DACH1: variants seen among roughly 807,000 people sequenced by gnomAD.
DACH1 encodes dachshund family transcription factor 1, also known as dachshund homolog 1.
Under a neutral mutation model 54.2 loss-of-function variants are expected in DACH1, and 12 were observed. That is an observed-to-expected ratio of 0.22 (90% confidence interval 0.14 to 0.36). The LOEUF (loss-of-function observed/expected upper bound fraction) is 0.36, where lower values mean the gene tolerates loss of function less well. Among genes scored for constraint, DACH1 ranks in the 10% least tolerant of loss-of-function variants. DACH1 has a pLI of 1.00. For synonymous variants in DACH1, 386 were observed against 366.2 expected (o/e 1.05, Z -0.62); for missense variants, 805 against 929.8 (o/e 0.87, Z 1.75).
At chr13:71,697,156 A>C (rs1881875773) in intron 1 of DACH1, among the ~76,000 whole-genome samples, 1 of 152,134 alleles carries the variant, frequency 6.6e-6, no homozygotes, top group African/African-American at 2.4e-5. Context: ...ATGAGGGCAG[A>C]GATTTTGAAT....
intron 1 of DACH1, among the ~76,000 whole-genome samples, chr13:71,723,682 TTTTTG>T (rs112149480): frequency 3.9e-5 from 6 of 151,970 alleles, no homozygotes; most frequent in African/African-American, 9.7e-5. Context: ...TTGTTTTGCT[TTTTTG>T]TTTTGTTTTG....
chr13:71,834,837 T>C (rs1214805679), intron 1 of DACH1, among the ~76,000 whole-genome samples: 1 of 152,078 alleles, frequency 6.6e-6, no homozygotes, highest in East Asian at 1.9e-4. Flanking sequence ...GCATAATTTT[T>C]GGAAGCTGAA....
At position 71,489,215 on chromosome 13, in the gene DACH1, T is replaced by C. The variant is rs531394688; in HGVS notation, c.1571-67A>G. ...GTCTGTTTTTATTAGACCTCAGTAATGGCTTCCCTAGTGGTTTCCAGAACA... is the reference window on the plus strand; with the variant it reads ...GTCTGTTTTTATTAGACCTCAGTAACGGCTTCCCTAGTGGTTTCCAGAACA... On this transcript the variant is annotated intron_variant, in intron 6 of 10. Transcript: ENST00000613252. 3.4e-4 allele frequency: 520 copies of C among 1,529,332 alleles called. 1 individual carries two copies. Among genetic ancestry groups the C allele is most frequent in the Non-Finnish European group, 4.2e-4 (475 of 1,127,196 alleles). 94.7% of individuals were successfully genotyped at this position (1,529,332 alleles called of 1,614,324 possible). A position where few individuals can be genotyped will look rare whatever the true frequency, so the allele number is the denominator to read the frequency against.
intron 3 of DACH1, among the ~76,000 whole-genome samples, chr13:71,624,204 G>T (rs937707133): frequency 1.3e-5 from 2 of 151,828 alleles, no homozygotes; most frequent in Non-Finnish European, 2.9e-5. Context: ...GATATCTTTT[G>T]CATAGGGGAT....
At chr13:71,714,202 G>C (rs911149190) in intron 1 of DACH1, among the ~76,000 whole-genome samples, 1 of 151,958 alleles carries the variant, frequency 6.6e-6, no homozygotes, top group Non-Finnish European at 1.5e-5. Context: ...AGGAGAGTTG[G>C]ATCATGTGGA....
chr13:71,808,601 C>T (rs1238531545), intron 1 of DACH1, among the ~76,000 whole-genome samples: 3 of 152,030 alleles, frequency 2.0e-5, no homozygotes, highest in African/African-American at 7.2e-5. Flanking sequence ...ATCATGTTCC[C>T]TATTCTGTTC....
chr13:71,785,330 C>A (rs1322366822), intron 1 of DACH1, among the ~76,000 whole-genome samples: 2 of 152,126 alleles, frequency 1.3e-5, no homozygotes, highest in Non-Finnish European at 2.9e-5. Context: ...AAAGTAAATT[C>A]TTGTTAGCTG....
At chr13:71,742,344 G>C (rs1326896054) in intron 1 of DACH1, among the ~76,000 whole-genome samples, 1 of 152,122 alleles carries the variant, frequency 6.6e-6, no homozygotes, top group Non-Finnish European at 1.5e-5. Context: ...AATTTAATTT[G>C]TTACTAATTT....
At chr13:71,547,817 G>C (rs1305986555) in intron 6 of DACH1, among the ~76,000 whole-genome samples, 1 of 152,056 alleles carries the variant, frequency 6.6e-6, no homozygotes, top group East Asian at 1.9e-4. Flanking sequence ...ATTTACCTAA[G>C]CTTGGCTATT....
At chr13:71,516,635 C>A (rs1881180715) in intron 6 of DACH1, among the ~76,000 whole-genome samples, 1 of 151,808 alleles carries the variant, frequency 6.6e-6, no homozygotes, top group African/African-American at 2.4e-5. Context: ...CTTCTTTTGG[C>A]TTGTCATTTA....
intron 10 of DACH1, among the ~76,000 whole-genome samples, chr13:71,445,758 T>C (rs554785141): frequency 9.2e-5 from 14 of 152,234 alleles, no homozygotes; most frequent in African/African-American, 1.4e-4. Flanking sequence ...ACAAATGTTA[T>C]AATGTTCCAG....
chr13:71,800,762 A>T (rs562826560), intron 1 of DACH1, among the ~76,000 whole-genome samples: 14 of 152,246 alleles, frequency 9.2e-5, no homozygotes, highest in African/African-American at 3.4e-4. Flanking sequence ...AAACATCTAC[A>T]TGGTATTTTA....
At chr13:71,858,538 A>G (rs1874150691) in intron 1 of DACH1, among the ~76,000 whole-genome samples, 1 of 151,754 alleles carries the variant, frequency 6.6e-6, no homozygotes, top group African/African-American at 2.4e-5. Context: ...AGGATTCTTA[A>G]AGATCTACTT....
intron 6 of DACH1, among the ~76,000 whole-genome samples, chr13:71,553,579 A>G (rs1285589459): frequency 2.1e-5 from 3 of 144,454 alleles, no homozygotes; most frequent in Non-Finnish European, 4.5e-5. Flanking sequence ...TTGTTTTTGC[A>G]TTTTGTATTT....
At chr13:71,833,713 A>T (rs1343382178) in intron 1 of DACH1, among the ~76,000 whole-genome samples, 1 of 151,980 alleles carries the variant, frequency 6.6e-6, no homozygotes, top group Non-Finnish European at 1.5e-5. Context: ...GAGAGACGCC[A>T]CTTAAAGACC....
intron 6 of DACH1, among the ~76,000 whole-genome samples, chr13:71,527,996 TG>T (rs1275533600): frequency 3.9e-5 from 6 of 152,130 alleles, no homozygotes; most frequent in Non-Finnish European, 7.3e-5. Context: ...AACAATGTTA[TG>T]GGAAACAATG....
At chr13:71,652,664 T>A (rs935041774) in intron 2 of DACH1, among the ~76,000 whole-genome samples, 1 of 152,134 alleles carries the variant, frequency 6.6e-6, no homozygotes, top group African/African-American at 2.4e-5. Context: ...CAGAGTTGAT[T>A]ATGTCTTCCT....
chr13:71,853,603 A>G (rs1873811971), intron 1 of DACH1, among the ~76,000 whole-genome samples: 1 of 152,174 alleles, frequency 6.6e-6, no homozygotes, highest in African/African-American at 2.4e-5. Flanking sequence ...ATTATAATAT[A>G]CTTAGTGGAG....
intron 3 of DACH1, among the ~76,000 whole-genome samples, chr13:71,614,065 G>C (rs976049601): frequency 2.6e-5 from 4 of 152,160 alleles, no homozygotes; most frequent in Non-Finnish European, 5.9e-5. Context: ...ACCAAAGTCA[G>C]AGTCCATGCA....
Sources: gnomAD v4.1 joint callset for allele counts (sites outside exome capture counted in the v4.1 genomes callset) on GRCh38, gnomAD v4.1.1 for gene constraint, MANE v1.5 for transcripts, NCBI Gene and HGNC (gene_info 2026-07-23, HGNC 2026-07-21) for gene names.